AKR1C4: variants seen among roughly 807,000 people sequenced by gnomAD.
AKR1C4 encodes the protein aldo-keto reductase family 1 member C4, also known as 3-alpha-HSD1.
Under a neutral mutation model 41.0 loss-of-function variants are expected in AKR1C4, and 44 were observed. That is an observed-to-expected ratio of 1.07 (90% CI 0.84 to 1.38). The LOEUF (loss-of-function observed/expected upper bound fraction) is 1.38. Among genes scored for constraint, AKR1C4 ranks in the 40% most tolerant of loss-of-function variants. The pLI is 0.00. For synonymous variants in AKR1C4, 165 were observed against 137.7 expected (o/e 1.20, Z -1.39); for missense variants, 438 against 387.9 (o/e 1.13, Z -1.09).
chr10:5,197,244 C>G (rs1279824862), intron 1 of AKR1C4, among the ~76,000 whole-genome samples: 1 of 152,236 alleles, frequency 6.6e-6, no homozygotes, highest in Non-Finnish European at 1.5e-5. Flanking sequence ...CAGTGAAGAA[C>G]ACTGCCTGGC....
At chr10:5,202,540 T>C in intron 2 of AKR1C4, 1 of 443,420 alleles carries the variant, frequency 2.3e-6, no homozygotes, top group South Asian at 1.6e-5. Context: ...TCCAGTACTA[T>C]GTTTAATAGA....
At chr10:5,200,434 T>G in intron 2 of AKR1C4, 86 bp downstream of exon 2, 1 of 1,508,376 alleles carries the variant, frequency 6.6e-7, no homozygotes. Context: ...TCAGTAGTTG[T>G]GGGTGAATTG....
At position 5,212,695 on chromosome 10, in the gene AKR1C4, G is replaced by C. The variant is rs1832595913; in HGVS notation, c.650G>C (p.Ser217Thr). 1.9e-6 allele frequency: 3 copies of C among 1,613,878 alleles called. No homozygotes were observed. The highest frequency in any genetic ancestry group is 1.7e-5 in the Admixed American group (1 of 59,966). ...KSKDIVLVAHSALGTQRHKLW... is the reference protein window; with the variant it reads ...KSKDIVLVAHTALGTQRHKLW... ...AAAGACATTGTTCTGGTTGCCCACA[G>C]TGCTCTGGGAACCCAACGACATAAA... Residue 217 changes from serine (S) to threonine (T), a missense_variant, in exon 6 of 9, where the codon AGT becomes ACT. Transcript: ENST00000263126.
intron 2 of AKR1C4, among the ~76,000 whole-genome samples, chr10:5,203,674 T>G (rs1554797139): frequency 6.6e-6 from 1 of 152,228 alleles, no homozygotes; most frequent in Non-Finnish European, 1.5e-5. Flanking sequence ...CTGCATTGCT[T>G]CTTGGAAAAA....
At chr10:5,211,349 T>G (rs1013257469) in intron 5 of AKR1C4, among the ~76,000 whole-genome samples, 1 of 152,234 alleles carries the variant, frequency 6.6e-6, no homozygotes, top group Non-Finnish European at 1.5e-5. Flanking sequence ...GTTTGCCTTT[T>G]AAAACTGGAT....
chr10:5,213,065 C>T lies in AKR1C4; in HGVS notation c.752C>T (p.Thr251Ile), dbSNP rs1832602480. The T allele has an allele frequency of 1.9e-6, 3 of 1,614,020 alleles. No homozygotes were observed. Among genetic ancestry groups the T allele is most frequent in the Middle Eastern group, 1.6e-4 (1 of 6,084 alleles). The change falls in exon 7 of 9, where the codon ACC becomes ATC. Residue 251 changes from threonine to isoleucine, a missense_variant. Transcript: ENST00000263126. ...GCCTTAGCAAAGAAACACAAACAAA[C>T]CCCAGCCCTGATTGCCCTGCGCTAC... ...LCALAKKHKQ[T>I]PALIALRYQL... is the part of the protein sequence containing the mutation.
chr10:5,209,730 T>G (rs1292610945), intron 5 of AKR1C4, among the ~76,000 whole-genome samples: 1 of 152,188 alleles, frequency 6.6e-6, no homozygotes, highest in East Asian at 1.9e-4. Flanking sequence ...ACTTATTCAC[T>G]ATCTCAAGGA....
chr10:5,198,555 T>C (rs909648279), intron 1 of AKR1C4, among the ~76,000 whole-genome samples: 13 of 152,218 alleles, frequency 8.5e-5, no homozygotes, highest in East Asian at 1.9e-4. Flanking sequence ...GCATCCCTTG[T>C]AGTCAACATT....
intron 1 of AKR1C4, among the ~76,000 whole-genome samples, chr10:5,197,474 C>A (rs1445557247): frequency 6.6e-6 from 1 of 152,112 alleles, no homozygotes; most frequent in East Asian, 1.9e-4. Flanking sequence ...TAATACAATG[C>A]CCTGCACAAC....
chr10:5,200,727 T>C (rs143613804), intron 2 of AKR1C4, among the ~76,000 whole-genome samples: 1 of 152,212 alleles, frequency 6.6e-6, no homozygotes, highest in Non-Finnish European at 1.5e-5. Flanking sequence ...GACATCGTAC[T>C]CACTATGTAG....
Position 5,207,636 on chromosome 10 carries a change from T to G in AKR1C4, c.570+1239T>G, listed in dbSNP as rs1022818369. ...TGGTTGAACTAAGCTCATCAACTCC[T>G]TGGCATTTGCAGCCTACCTGTGCAA... On this transcript the variant is annotated intron_variant, in intron 5 of 8. Transcript: ENST00000263126. The G allele has an allele frequency of 1.1e-5, 13 of 1,164,040 alleles. No homozygotes were observed. The South Asian group carries it at 1.4e-4, about 13-fold the overall frequency. 72.1% of individuals were successfully genotyped at this position (1,164,040 alleles called of 1,614,324 possible).
chr10:5,207,702 T>C, intron 5 of AKR1C4: 2 of 658,818 alleles, frequency 3.0e-6, no homozygotes, highest in South Asian at 1.4e-5. Context: ...AGAAACTCCA[T>C]GATGTGATAA....
Position 5,218,866 on chromosome 10 carries a change from C to T in AKR1C4, c.*106C>T, listed in dbSNP as rs905417967. 3.6e-5 allele frequency: 38 copies of T among 1,065,186 alleles called. No individual in the cohort carries two copies. The highest frequency in any genetic ancestry group is 1.0e-4 in the East Asian group (4 of 39,844). 66.0% of individuals were successfully genotyped at this position (1,065,186 alleles called of 1,614,324 possible). A position where few individuals can be genotyped will look rare whatever the true frequency, so the allele number is the denominator to read the frequency against. On this transcript the variant is annotated 3_prime_UTR_variant, in exon 9 of 9. Transcript: ENST00000263126. ...GGACACACAGCCTCTGGTTAAATCCCTCCCCTCCTGCTTGGCAACTTCAGC... is the reference window on the plus strand; with the variant it reads ...GGACACACAGCCTCTGGTTAAATCCTTCCCCTCCTGCTTGGCAACTTCAGC...
intron 8 of AKR1C4, among the ~76,000 whole-genome samples, chr10:5,217,502 G>A (rs782022772): frequency 4.6e-5 from 7 of 152,204 alleles, no homozygotes; most frequent in South Asian, 2.1e-4. Flanking sequence ...GCTCATGCCT[G>A]TAATCCCATC....
chr10:5,206,287 T>G lies in AKR1C4; in HGVS notation c.460T>G (p.Cys154Gly). 1 of 1,614,020 alleles carries G rather than the reference T, an allele frequency of 6.2e-7. No homozygotes were observed. The highest frequency in any genetic ancestry group is 8.5e-7 in the Non-Finnish European group (1 of 1,179,958). Residue 154 changes from cysteine (C) to glycine (G), a missense_variant, in exon 5 of 9, where the codon TGT (cysteine) becomes GGT (glycine). Physicochemically the swap from Cys to Gly is radical, Grantham distance 159 (BLOSUM62 -3). Transcript: ENST00000263126. ...CCTTTCTCCCCAGGTCATGGAGAAG[T>G]GTAAGGATGCAGGATTGGCCAAGTC... ...LSATWEVMEKCKDAGLAKSIG... is the reference protein window; with the variant it reads ...LSATWEVMEKGKDAGLAKSIG...
At chr10:5,197,206 C>A (rs1416169458) in intron 1 of AKR1C4, among the ~76,000 whole-genome samples, 1 of 152,030 alleles carries the variant, frequency 6.6e-6, no homozygotes, top group African/African-American at 2.4e-5. Flanking sequence ...TGTGTATTGC[C>A]CAGCTTGGCA....
intron 5 of AKR1C4, among the ~76,000 whole-genome samples, chr10:5,208,530 T>C (rs988599310): frequency 1.3e-5 from 2 of 151,566 alleles, no homozygotes; most frequent in African/African-American, 4.9e-5. Context: ...TATGAGTATA[T>C]CTGCATCAAT....
At chr10:5,203,010 G>A (rs1293901879) in intron 2 of AKR1C4, among the ~76,000 whole-genome samples, 1 of 149,136 alleles carries the variant, frequency 6.7e-6, no homozygotes, top group Admixed American at 6.7e-5. Context: ...TTGGTATTTG[G>A]TGATACTGGC....
intron 5 of AKR1C4, 149 bp downstream of exon 5, chr10:5,206,546 C>T (rs1244796136): frequency 1.0e-5 from 14 of 1,382,404 alleles, no homozygotes; most frequent in Middle Eastern, 1.9e-4. Flanking sequence ...ACGGAAGACC[C>T]TTAATTGCAC....
Sources: gnomAD v4.1 joint callset for allele counts (sites outside exome capture counted in the v4.1 genomes callset) on GRCh38, gnomAD v4.1.1 for gene constraint, MANE v1.5 for transcripts, NCBI Gene and HGNC (gene_info 2026-07-23, HGNC 2026-07-21) for gene names.